Variants in TMEM87B observed in about 807,000 individuals in gnomAD.
TMEM87B encodes the protein transmembrane protein 87B.
A neutral mutation model predicts 80.3 loss-of-function variants in TMEM87B; 83 were observed. The observed-to-expected ratio is 1.03, with a 90% confidence interval of 0.87 to 1.24. TMEM87B has a LOEUF of 1.24. Among genes scored for constraint, TMEM87B ranks in the 50% most tolerant of loss-of-function variants. The pLI is 0.00. For missense variants in TMEM87B, 625 were observed against 674.4 expected, an observed-to-expected ratio of 0.93 and a Z score of 0.81; for synonymous variants, 219 against 230.5, an observed-to-expected ratio of 0.95 and a Z score of 0.45.
At chr2:112,065,576 T>G (rs149189721) in intron 3 of TMEM87B, among the ~76,000 whole-genome samples, 1,876 of 150,640 alleles carry the variant, frequency 0.012, 48 homozygotes, top group African/African-American at 0.044. Context: ...GCCCAGGAGT[T>G]TAAAGTTGCA....
rs570160392 is a variant in TMEM87B at position 112,110,850 on chromosome 2, C to CT, written c.1578-2044dup. 7.2e-5 allele frequency among the ~76,000 whole-genome samples: 11 copies of CT among 152,212 alleles called. No individual in the cohort carries two copies. The South Asian group carries it at 2.3e-3, about 32-fold the overall frequency. On this transcript the variant is annotated intron_variant, in intron 17 of 18. Transcript: ENST00000283206. ...AAACAATGATCGTTCAAGGGTGCTGCTTTTTGTCCCACTCGATTTGAGCCC... is the reference window on the plus strand; with the variant it reads ...AAACAATGATCGTTCAAGGGTGCTGCTTTTTTGTCCCACTCGATTTGAGCCC...
At position 112,079,981 on chromosome 2, in the gene TMEM87B, G is replaced by A. The variant is rs375039624; in HGVS notation, c.593-1076G>A. On this transcript the variant is annotated intron_variant, in intron 6 of 18. Transcript: ENST00000283206. ...AGTTCGCTCTGTCACCCAGGCTGGA[G>A]TGCGGTGGCACGATCTCGGCTCACT... Among the ~76,000 whole-genome samples, 50 of 142,644 alleles carry A rather than the reference G, an allele frequency of 3.5e-4. 1 individual carries two copies. The East Asian group carries it at 1.0e-2, about 28-fold the overall frequency. 93.6% of individuals were successfully genotyped at this position (142,644 alleles called of 152,430 possible).
rs1679419424 is a variant in TMEM87B, at chr2:112,095,116, CT to C, written c.1105-1921del. The C allele has an allele frequency of 3.2e-6, 3 of 923,494 alleles. No homozygotes were observed. The African/African-American group carries it at 5.5e-5, about 17-fold the overall frequency. The allele number at this position is 923,494 out of a possible 1,614,324, so 57.2% of individuals were successfully genotyped here. ...CCTTTCTCCTGTGGCCCTTCCTCCC[CT>C]TTTTTTCTTCTTGTTTCTCTTTCGT... is the stretch of plus-strand genomic sequence containing the variant. On this transcript the variant is annotated intron_variant, in intron 11 of 18. Transcript: ENST00000283206.
At position 112,089,703 on chromosome 2, in the gene TMEM87B, G is replaced by C. The variant is rs762123794; in HGVS notation, c.1017G>C (p.Val339=). 4.3e-6 allele frequency: 7 copies of C among 1,614,038 alleles called. No individual in the cohort carries two copies. The East Asian group carries it at 1.6e-4, about 36-fold the overall frequency. ...TAATCTTTGCAGCTGTTGAAGGCGTGATGAGAGTCATTGGGGTAAAAACTA... is the reference window on the plus strand; with the variant it reads ...TAATCTTTGCAGCTGTTGAAGGCGTCATGAGAGTCATTGGGGTAAAAACTA... ...LYLIFAAVEG[V]MRVIGGSNHL... Residue 339 remains valine (V), a synonymous_variant, in exon 10 of 19, where the codon GTG becomes GTC. Coordinates refer to ENST00000283206, the MANE Select transcript of TMEM87B (RefSeq NM_032824.3).
In TMEM87B at chr2:112,056,195, A is replaced by G. The variant is rs558509516; in HGVS notation, c.165+439A>G. On this transcript the variant is annotated intron_variant, in intron 1 of 18. Coordinates refer to ENST00000283206, the MANE Select transcript of TMEM87B (RefSeq NM_032824.3). ...GACTTGCCAGCGCTTCAGTTTCTGC[A>G]TAAACTTAGAAAGCGGGTCTGCCGC... is the stretch of plus-strand genomic sequence containing the variant. Among the ~76,000 whole-genome samples, 17 of 152,040 alleles carry G rather than the reference A, an allele frequency of 1.1e-4. No homozygotes were observed. The East Asian group carries it at 2.9e-3, about 26-fold the overall frequency.
chr2:112,073,238 T>G (rs933910272), intron 4 of TMEM87B, among the ~76,000 whole-genome samples: 4 of 152,130 alleles, frequency 2.6e-5, no homozygotes, highest in Non-Finnish European at 5.9e-5. Context: ...CTGTGGGCGT[T>G]TAGTGCTGTA....
intron 1 of TMEM87B, among the ~76,000 whole-genome samples, chr2:112,059,640 T>C (rs1051602781): frequency 3.3e-5 from 5 of 152,148 alleles, no homozygotes. Context: ...AAAAGTACAT[T>C]CAAATTGACG....
At chr2:112,095,126 T>TCTTG in intron 11 of TMEM87B, 1 of 938,410 alleles carries the variant, frequency 1.1e-6, no homozygotes, top group South Asian at 4.9e-5. Context: ...CTTTTTTTCT[T>TCTTG]CTTGTTTCTC....
At chr2:112,085,166 A>G (rs1679106471) in intron 8 of TMEM87B, among the ~76,000 whole-genome samples, 2 of 151,958 alleles carry the variant, frequency 1.3e-5, no homozygotes, top group Admixed American at 1.3e-4. Context: ...TCGAGTCCAG[A>G]CTCCATGACA....
In TMEM87B at chr2:112,097,737, A is replaced by C. The variant is rs923072961; in HGVS notation, c.1272+446A>C. ...CAAAAAAAAAAAAAAAAAAAAAAAA[A>C]CTTTTAACTCCTCCAAGTGAGTCTG... On this transcript the variant is annotated intron_variant, in intron 13 of 18. Coordinates refer to ENST00000283206, the MANE Select transcript of TMEM87B (RefSeq NM_032824.3). Among the ~76,000 whole-genome samples, 6 of 143,126 alleles carry C rather than the reference A, an allele frequency of 4.2e-5. No homozygotes were observed. In the East Asian group the frequency reaches 8.7e-4, roughly 21 times the overall value. The allele number at this position is 143,126 out of a possible 152,430, so 93.9% of individuals were successfully genotyped here.
At chr2:112,072,365 C>T (rs1306413581) in intron 4 of TMEM87B, among the ~76,000 whole-genome samples, 1 of 152,174 alleles carries the variant, frequency 6.6e-6, no homozygotes, top group Non-Finnish European at 1.5e-5. Flanking sequence ...ACCAGCTCTT[C>T]TTTGTACTTC....
At chr2:112,097,359 T>G in intron 13 of TMEM87B, 68 bp downstream of exon 13, 2 of 1,267,096 alleles carry the variant, frequency 1.6e-6, no homozygotes, top group South Asian at 2.8e-5. Context: ...TTGAACAATT[T>G]AGTTTATGCT....
chr2:112,070,948 A>G, intron 4 of TMEM87B, among the ~76,000 whole-genome samples: 1 of 151,388 alleles, frequency 6.6e-6, no homozygotes, highest in Non-Finnish European at 1.5e-5. Context: ...CAGCCTCCCA[A>G]GTAGCTGGGA....
intron 15 of TMEM87B, among the ~76,000 whole-genome samples, chr2:112,105,340 TACTG>T (rs753273775): frequency 2.6e-5 from 4 of 152,216 alleles, no homozygotes; most frequent in Non-Finnish European, 5.9e-5. Context: ...AGTGACTACT[TACTG>T]GGCATAGATT....
intron 3 of TMEM87B, among the ~76,000 whole-genome samples, chr2:112,066,117 C>A (rs1678428399): frequency 6.6e-6 from 1 of 152,190 alleles, no homozygotes; most frequent in African/African-American, 2.4e-5. Flanking sequence ...TTGTGGTTTT[C>A]ATCAAACCTT....
intron 3 of TMEM87B, 29 bp from the exon 4 acceptor site, chr2:112,066,907 A>G: frequency 1.3e-6 from 2 of 1,534,948 alleles, no homozygotes; most frequent in South Asian, 1.3e-5. Flanking sequence ...GTGGGAATAA[A>G]TTATAACATA....
In TMEM87B at chr2:112,071,107, A is replaced by T. The variant is rs576942306; in HGVS notation, c.451-3805A>T. 2.0e-5 allele frequency among the ~76,000 whole-genome samples: 3 copies of T among 151,516 alleles called. No homozygotes were observed. The East Asian group carries it at 5.9e-4, about 30-fold the overall frequency. Reference sequence around the variant, plus strand: ...CCAAAGTGCTGGGATTACAGGCATGAGCCACTGCGCCCGGCTGAGCATGGA... The same window carrying T: ...CCAAAGTGCTGGGATTACAGGCATGTGCCACTGCGCCCGGCTGAGCATGGA... On this transcript the variant is annotated intron_variant, in intron 4 of 18. Coordinates refer to ENST00000283206, the MANE Select transcript of TMEM87B (RefSeq NM_032824.3).
chr2:112,076,487 C>CTA (rs1172558611), intron 5 of TMEM87B, among the ~76,000 whole-genome samples: 1 of 151,834 alleles, frequency 6.6e-6, no homozygotes, highest in Non-Finnish European at 1.5e-5. Flanking sequence ...CTACAGGTGC[C>CTA]TACCACCACA....
chr2:112,057,403 G>A (rs369614676), intron 1 of TMEM87B, among the ~76,000 whole-genome samples: 8 of 152,144 alleles, frequency 5.3e-5, no homozygotes, highest in Non-Finnish European at 8.8e-5. Context: ...AGTCTCCTGC[G>A]TAGCGAAGAC....
Sources: gnomAD v4.1 joint callset for allele counts (sites outside exome capture counted in the v4.1 genomes callset) on GRCh38, gnomAD v4.1.1 for gene constraint, MANE v1.5 for transcripts, NCBI Gene and HGNC (gene_info 2026-07-23, HGNC 2026-07-21) for gene names.